NR3C2: variants seen among roughly 807,000 people sequenced by gnomAD.
NR3C2 encodes nuclear receptor subfamily 3 group C member 2.
NR3C2 carries 15 observed loss-of-function variants against 86.4 expected under a neutral mutation model. The ratio of observed to expected loss-of-function variants is 0.17; its 90% CI spans 0.12 to 0.27. The LOEUF is 0.27. Among genes scored for constraint, NR3C2 ranks in the 10% least tolerant of loss-of-function variants. The probability of loss-of-function intolerance (pLI) is 1.00; values close to 1 mark genes in which losing one functional copy is unlikely to be tolerated. For synonymous variants in NR3C2, 458 were observed against 450.5 expected (o/e 1.02, Z -0.21); for missense variants, 960 against 1,195.6 (o/e 0.80, Z 2.91).
chr4:148,172,429 T>C (rs1488371664), intron 4 of NR3C2, among the ~76,000 whole-genome samples: 1 of 152,244 alleles, frequency 6.6e-6, no homozygotes, highest in East Asian at 1.9e-4. Context: ...AACTATGCTA[T>C]GTAAGTCAAC....
At chr4:148,323,766 T>C (rs924831366) in intron 2 of NR3C2, among the ~76,000 whole-genome samples, 3 of 152,054 alleles carry the variant, frequency 2.0e-5, no homozygotes, top group African/African-American at 4.8e-5. Context: ...CCCACTGACC[T>C]GTGCCCACTG....
chr4:148,338,017 T>A (rs1744577235), intron 2 of NR3C2, among the ~76,000 whole-genome samples: 1 of 152,156 alleles, frequency 6.6e-6, no homozygotes, highest in African/African-American at 2.4e-5. Context: ...ATACCTAAGT[T>A]TTTCCCTATT....
At chr4:148,162,028 C>T (rs1160594411) in intron 4 of NR3C2, among the ~76,000 whole-genome samples, 9 of 152,092 alleles carry the variant, frequency 5.9e-5, no homozygotes, top group Non-Finnish European at 8.8e-5. Flanking sequence ...GCAGATTACA[C>T]CTAAGGCCTA....
At chr4:148,335,762 A>T (rs1484400288) in intron 2 of NR3C2, among the ~76,000 whole-genome samples, 1 of 116,260 alleles carries the variant, frequency 8.6e-6, no homozygotes, top group African/African-American at 5.4e-5. Context: ...AAAAGTAATT[A>T]AAAAAAAAAA....
chr4:148,323,877 T>G (rs1157820568), intron 2 of NR3C2, among the ~76,000 whole-genome samples: 1 of 152,150 alleles, frequency 6.6e-6, no homozygotes, highest in Non-Finnish European at 1.5e-5. Context: ...CCGGAGCTGT[T>G]CCCATTTGGC....
intron 2 of NR3C2, among the ~76,000 whole-genome samples, chr4:148,415,586 T>C (rs976707518): frequency 6.6e-6 from 1 of 152,142 alleles, no homozygotes. Context: ...TCAGGGGGCA[T>C]GTGCAGGGTC....
At chr4:148,355,785 C>T (rs1745522869) in intron 2 of NR3C2, among the ~76,000 whole-genome samples, 1 of 152,146 alleles carries the variant, frequency 6.6e-6, no homozygotes, top group South Asian at 2.1e-4. Flanking sequence ...ACAATGTTAA[C>T]AATAACACTT....
At chr4:148,265,861 G>A (rs1222773071) in intron 2 of NR3C2, among the ~76,000 whole-genome samples, 1 of 151,934 alleles carries the variant, frequency 6.6e-6, no homozygotes, top group Non-Finnish European at 1.5e-5. Flanking sequence ...GTCTACGGTG[G>A]GCCCCACTGT....
chr4:148,113,532 T>A (rs2149727276), intron 8 of NR3C2, among the ~76,000 whole-genome samples: 1 of 152,266 alleles, frequency 6.6e-6, no homozygotes, highest in Middle Eastern at 3.4e-3. Context: ...AAAAAATTCC[T>A]TAATCAGTTT....
chr4:148,367,736 T>C (rs556929163), intron 2 of NR3C2, among the ~76,000 whole-genome samples: 2 of 152,166 alleles, frequency 1.3e-5, no homozygotes, highest in African/African-American at 4.8e-5. Flanking sequence ...ATGCTCAGCA[T>C]TACTTCAGTG....
At chr4:148,330,117 C>A (rs1027561349) in intron 2 of NR3C2, among the ~76,000 whole-genome samples, 1 of 152,140 alleles carries the variant, frequency 6.6e-6, no homozygotes, top group African/African-American at 2.4e-5. Context: ...TAGAAAATAT[C>A]TTGGTGTTAA....
chr4:148,427,012 G>T (rs1215693863), intron 2 of NR3C2, among the ~76,000 whole-genome samples: 2 of 151,346 alleles, frequency 1.3e-5, no homozygotes, highest in African/African-American at 4.9e-5. Context: ...CTGAAGTGTA[G>T]TACACGGTCT....
chr4:148,154,655 T>C lies in NR3C2; in HGVS notation c.2261A>G (p.Tyr754Cys). 1.2e-6 allele frequency: 2 copies of C among 1,614,186 alleles called. No individual in the cohort carries two copies. The highest frequency in any genetic ancestry group is 1.1e-5 in the South Asian group (1 of 91,078). Residue 754 changes from tyrosine to cysteine, a missense_variant, in exon 5 of 9, where the codon TAT (tyrosine) becomes TGT (cysteine). Tyr to Cys is a radical substitution (Grantham distance 194, BLOSUM62 -2). Around this residue, in one of 4 missense-constraint regions of NR3C2, gnomAD observed 151 missense variants for 296.3 expected, o/e 0.51. Transcript: ENST00000358102. ...GGCTGTATCTGGTTTTGAGCTGTCATAGCCTGCATATACAATTTCAGGTTC... is the reference window on the plus strand; with the variant it reads ...GGCTGTATCTGGTTTTGAGCTGTCACAGCCTGCATATACAATTTCAGGTTC... ...NIEPEIVYAG[Y>C]DSSKPDTAEN...
chr4:148,434,178 G>T (rs963072602), intron 2 of NR3C2, among the ~76,000 whole-genome samples: 2 of 151,966 alleles, frequency 1.3e-5, no homozygotes, highest in African/African-American at 4.8e-5. Context: ...ACTATACTAA[G>T]GAAATCTATT....
chr4:148,113,786 G>C (rs1363043466), intron 8 of NR3C2, among the ~76,000 whole-genome samples: 1 of 152,182 alleles, frequency 6.6e-6, no homozygotes, highest in Non-Finnish European at 1.5e-5. Flanking sequence ...TCGTCCAGGG[G>C]ATCGAGGCCC....
intron 3 of NR3C2, among the ~76,000 whole-genome samples, chr4:148,255,341 A>T (rs1449612154): frequency 1.6e-4 from 25 of 152,232 alleles, no homozygotes; most frequent in Non-Finnish European, 3.7e-4. Context: ...GTATGCTGTG[A>T]ACTGAACTAC....
intron 6 of NR3C2, among the ~76,000 whole-genome samples, chr4:148,129,173 G>A (rs1732890668): frequency 6.6e-6 from 1 of 152,238 alleles, no homozygotes; most frequent in South Asian, 2.1e-4. Flanking sequence ...TATGTATACA[G>A]TGGGACATTA....
At chr4:148,085,038 C>A (rs1730748618) in intron 8 of NR3C2, among the ~76,000 whole-genome samples, 1 of 152,062 alleles carries the variant, frequency 6.6e-6, no homozygotes, top group Non-Finnish European at 1.5e-5. Flanking sequence ...GACTTAGACT[C>A]CCACACAATA....
At position 148,318,593 on chromosome 4, in the gene NR3C2, T is replaced by C. The variant is rs1366547037; in HGVS notation, c.1758-58476A>G. Among the ~76,000 whole-genome samples the C allele has an allele frequency of 2.6e-5, 4 of 152,140 alleles. No individual in the cohort carries two copies. The South Asian group carries it at 6.2e-4, about 24-fold the overall frequency. ...CTAACTGGTGTGAGATGATATCTCATTGTGGTTTTGATTTGCATTTCTCTA... is the reference window on the plus strand; with the variant it reads ...CTAACTGGTGTGAGATGATATCTCACTGTGGTTTTGATTTGCATTTCTCTA... On this transcript the variant is annotated intron_variant, in intron 2 of 8. Transcript: ENST00000358102.
Sources: gnomAD v4.1 joint callset for allele counts (sites outside exome capture counted in the v4.1 genomes callset) on GRCh38, gnomAD v4.1.1 for gene constraint, gnomAD v4.1.1 regional missense constraint, MANE v1.5 for transcripts, NCBI Gene and HGNC (gene_info 2026-07-23, HGNC 2026-07-21) for gene names.